CAST: variants seen among roughly 807,000 people sequenced by gnomAD.
The protein encoded by CAST is calpastatin, also known as MIR583 host.
CAST carries 76 observed loss-of-function variants against 119.6 expected under a neutral mutation model. The ratio of observed to expected loss-of-function variants is 0.64; its 90% CI spans 0.53 to 0.77. The LOEUF is 0.77. Among genes scored for constraint, CAST ranks in the 30% least tolerant of loss-of-function variants. The probability of loss-of-function intolerance (pLI) is 0.00; values close to 1 mark genes in which losing one functional copy is unlikely to be tolerated. For synonymous variants in CAST, 319 were observed against 331.6 expected, an observed-to-expected ratio of 0.96 and a Z score of 0.41; for missense variants, 953 against 946.5, an observed-to-expected ratio of 1.01 and a Z score of -0.09.
chr5:96,607,453 G>C (rs924948072), intron 1 of CAST, among the ~76,000 whole-genome samples: 1 of 152,156 alleles, frequency 6.6e-6, no homozygotes, highest in Non-Finnish European at 1.5e-5. Context: ...TTTAATAAAG[G>C]AGGGAATATC....
intron 24 of CAST, 173 bp from the exon 25 acceptor site, chr5:96,762,096 TAATAC>T (rs1269013412): frequency 7.0e-6 from 3 of 431,040 alleles, no homozygotes; most frequent in East Asian, 7.0e-5. Context: ...TTGTATAAAA[TAATAC>T]AATAGAGAAG....
chr5:96,286,438 AAGAACAAATGTTAAAAG>A, the CAST span, among the ~76,000 whole-genome samples: 3 of 152,204 alleles, frequency 2.0e-5, no homozygotes, highest in Non-Finnish European at 4.4e-5. Context: ...CCTGGACTCA[AAGAACAAATGTTAAAAG>A]AATCAATAGA....
chr5:96,753,674 T>C (rs1765659146), intron 20 of CAST, among the ~76,000 whole-genome samples: 2 of 152,236 alleles, frequency 1.3e-5, no homozygotes, highest in Non-Finnish European at 2.9e-5. Context: ...AATGGCCTCT[T>C]GTGGGCTCTC....
At chr5:96,032,593 AG>A in the CAST span, among the ~76,000 whole-genome samples, 1 of 152,106 alleles carries the variant, frequency 6.6e-6, no homozygotes, top group Non-Finnish European at 1.5e-5. Flanking sequence ...CTTTCCTTCA[AG>A]ATATCCAAGC....
At chr5:96,561,445 C>G (rs1024402810) in intron 1 of CAST, among the ~76,000 whole-genome samples, 4 of 151,544 alleles carry the variant, frequency 2.6e-5, no homozygotes, top group African/African-American at 4.9e-5. Context: ...AACCTTCATT[C>G]GCAGCAAACT....
At chr5:96,656,972 A>G (rs992194592) in intron 1 of CAST, among the ~76,000 whole-genome samples, 1 of 152,124 alleles carries the variant, frequency 6.6e-6, no homozygotes, top group Admixed American at 6.5e-5. Context: ...CTTGCAGGCA[A>G]TTGAAGAACC....
At chr5:96,740,496 C>T (rs140055932) in intron 12 of CAST, among the ~76,000 whole-genome samples, 109 of 152,210 alleles carry the variant, frequency 7.2e-4, no homozygotes, top group African/African-American at 2.6e-3. Flanking sequence ...ATCTCTGGGT[C>T]CAAATTTCCC....
At chr5:96,436,701 G>A in the CAST span, among the ~76,000 whole-genome samples, 109 of 152,074 alleles carry the variant, frequency 7.2e-4, no homozygotes, top group African/African-American at 2.6e-3. Flanking sequence ...AAATAATATT[G>A]AAATTGTAAA....
the CAST span, among the ~76,000 whole-genome samples, chr5:96,181,849 G>A: frequency 0.025 from 3,836 of 152,224 alleles, 176 homozygotes; most frequent in African/African-American, 0.089. Flanking sequence ...AGATGAGTTA[G>A]AGGTTATTAT....
the CAST span, among the ~76,000 whole-genome samples, chr5:96,301,778 G>C: frequency 3.3e-5 from 5 of 152,216 alleles, no homozygotes; most frequent in Non-Finnish European, 4.4e-5. Context: ...CTCCTCCCCT[G>C]TGGCCCTGCA....
chr5:96,351,005 T>C, the CAST span, among the ~76,000 whole-genome samples: 1 of 152,184 alleles, frequency 6.6e-6, no homozygotes, highest in Non-Finnish European at 1.5e-5. Context: ...TTTAATGAGA[T>C]GATGACCTTT....
At chr5:96,595,637 A>G (rs1377599311) in intron 1 of CAST, among the ~76,000 whole-genome samples, 1 of 152,220 alleles carries the variant, frequency 6.6e-6, no homozygotes, top group East Asian at 1.9e-4. Context: ...ACTCAGTTGG[A>G]TGACACAGAA....
At chr5:96,675,439 C>A in intron 1 of CAST, 100 bp from the exon 2 acceptor site, 2 of 785,372 alleles carry the variant, frequency 2.5e-6, no homozygotes, top group South Asian at 3.2e-5. Context: ...TTAAAGTGGT[C>A]GTTTTTTAAA....
intron 1 of CAST, among the ~76,000 whole-genome samples, chr5:96,611,930 C>T (rs898901111): frequency 1.3e-5 from 2 of 152,026 alleles, no homozygotes; most frequent in African/African-American, 2.4e-5. Flanking sequence ...ATTATTAAAA[C>T]GTCAAAAAAT....
the CAST span, among the ~76,000 whole-genome samples, chr5:96,091,728 G>GACTAGT: frequency 6.7e-6 from 1 of 150,304 alleles, no homozygotes; most frequent in African/African-American, 2.5e-5. Flanking sequence ...CTAGTCTCAA[G>GACTAGT]CTCCTGGACT....
At chr5:96,656,080 T>A (rs1403425251) in intron 1 of CAST, among the ~76,000 whole-genome samples, 2 of 152,240 alleles carry the variant, frequency 1.3e-5, no homozygotes, top group Non-Finnish European at 2.9e-5. Context: ...TCATTGTTTT[T>A]ACCTGATCAT....
At chr5:96,197,630 A>G in the CAST span, among the ~76,000 whole-genome samples, 1 of 152,172 alleles carries the variant, frequency 6.6e-6, no homozygotes, top group African/African-American at 2.4e-5. Flanking sequence ...TTAGTGAGCC[A>G]TTGCTATGTG....
the CAST span, among the ~76,000 whole-genome samples, chr5:96,275,406 T>C: frequency 6.6e-6 from 1 of 152,250 alleles, no homozygotes; most frequent in Non-Finnish European, 1.5e-5. Context: ...CTATGTATTC[T>C]TCAATGTTCA....
chr5:96,592,021 A>G (rs993163821), intron 1 of CAST, among the ~76,000 whole-genome samples: 5 of 152,142 alleles, frequency 3.3e-5, no homozygotes, highest in Non-Finnish European at 5.9e-5. Context: ...TATAGACCAA[A>G]TTAGAGTAGA....
Sources: allele counts gnomAD v4.1 joint callset (sites outside exome capture counted in the v4.1 genomes callset), GRCh38; gene constraint gnomAD v4.1.1; transcripts MANE v1.5; gene names NCBI Gene and HGNC (gene_info 2026-07-23, HGNC 2026-07-21).